ARHGAP39: variants seen among roughly 807,000 people sequenced by gnomAD.
ARHGAP39 encodes rho GTPase-activating protein 39.
Under a neutral mutation model 106.9 loss-of-function variants are expected in ARHGAP39, and 44 were observed. The observed-to-expected ratio is 0.41, with a 90% confidence interval of 0.32 to 0.53. ARHGAP39 has a LOEUF of 0.53. Ranked by LOEUF, ARHGAP39 falls within the 20% of genes least tolerant of loss-of-function variation. ARHGAP39 has a pLI of 0.21. For missense variants in ARHGAP39, 1,496 were observed against 1,577.3 expected, an observed-to-expected ratio of 0.95 and a Z score of 0.87; for synonymous variants, 768 against 693.2, an observed-to-expected ratio of 1.11 and a Z score of -1.69.
intron 3 of ARHGAP39, among the ~76,000 whole-genome samples, chr8:144,563,597 G>A (rs1235801114): frequency 1.3e-5 from 2 of 151,686 alleles, no homozygotes; most frequent in African/African-American, 2.4e-5. Context: ...GACCAGCCTG[G>A]AAAGATAGTG....
intron 1 of ARHGAP39, among the ~76,000 whole-genome samples, chr8:144,638,909 T>G (rs1821241104): frequency 6.6e-6 from 1 of 152,262 alleles, no homozygotes; most frequent in Admixed American, 6.5e-5. Flanking sequence ...CCATTCCCTG[T>G]GAGTCTGACT....
At position 144,530,738 on chromosome 8, in the gene ARHGAP39, G is replaced by A. The variant is rs1216944779; in HGVS notation, c.3114C>T (p.Asn1038=). The A allele has an allele frequency of 1.9e-6, 3 of 1,609,468 alleles. No individual in the cohort carries two copies. The highest frequency in any genetic ancestry group is 2.5e-6 in the Non-Finnish European group (3 of 1,178,422). The change falls in exon 11 of 12, where the codon AAC becomes AAT. Residue 1038 remains asparagine (N), a synonymous_variant. Transcript: ENST00000377307. ...GGATGAGGTAGCACAGCACCATGCG[G>A]TTGATGCGGGGCAGCGCGTGCACCA... The part of the protein sequence containing the change: ...VAVVHALPRI[N]RMVLCYLIRF...
intron 8 of ARHGAP39, 102 bp downstream of exon 8, chr8:144,534,027 G>A (rs546103057): frequency 2.8e-5 from 38 of 1,346,336 alleles, no homozygotes; most frequent in Admixed American, 1.3e-4. Context: ...CACCCTCTGC[G>A]CTGCTGCCCC....
rs755096755 is a variant in ARHGAP39 at position 144,555,563 on chromosome 8, T to C, written c.593A>G (p.Tyr198Cys). The change falls in exon 4 of 12, where the codon TAC becomes TGC. Residue 198 changes from tyrosine to cysteine, a missense_variant. By Grantham distance (194) the Tyr-to-Cys change is radical (BLOSUM62 -2). Around this residue, in one of 4 missense-constraint regions of ARHGAP39, gnomAD observed 905 missense variants for 816.4 expected, o/e 1.11. Coordinates refer to ENST00000377307, the MANE Select transcript of ARHGAP39 (RefSeq NM_025251.3). ...DYSADGQLLH[Y>C]RTSSLRWNSG... ...ACGCCTGAGAGATGGGTTCTACCTG[T>C]AGTGAAGAAGCTGGCCGTCCGCACT... is the stretch of plus-strand genomic sequence containing the variant. 2 of 1,613,702 alleles carry C rather than the reference T, an allele frequency of 1.2e-6. No homozygotes were observed. Among genetic ancestry groups the C allele is most frequent in the Admixed American group, 1.7e-5 (1 of 60,034 alleles).
the ARHGAP39 span, among the ~76,000 whole-genome samples, chr8:144,694,180 T>C: frequency 6.6e-6 from 1 of 152,144 alleles, no homozygotes; most frequent in Non-Finnish European, 1.5e-5. Context: ...GGAAATATTC[T>C]GGTTGTTGTG....
intron 1 of ARHGAP39, among the ~76,000 whole-genome samples, chr8:144,662,730 A>G (rs1821863731): frequency 1.5e-5 from 2 of 131,012 alleles, no homozygotes; most frequent in Non-Finnish European, 3.2e-5. Context: ...CCGCCTCCCC[A>G]TTATCCACCT....
chr8:144,650,936 T>C (rs961500316), intron 1 of ARHGAP39, among the ~76,000 whole-genome samples: 2 of 152,176 alleles, frequency 1.3e-5, no homozygotes, highest in African/African-American at 2.4e-5. Context: ...GGCATCCAAA[T>C]AGGGAGAGAG....
chr8:144,613,221 TAC>T (rs1166734395), intron 1 of ARHGAP39, among the ~76,000 whole-genome samples: 4 of 152,270 alleles, frequency 2.6e-5, no homozygotes, highest in African/African-American at 7.2e-5. Flanking sequence ...TCCTCTCTGT[TAC>T]ACAGTTACTA....
rs1037024410 is a variant in ARHGAP39 at position 144,670,008 on chromosome 8, A to T, written c.-82+15678T>A. Among the ~76,000 whole-genome samples the T allele has an allele frequency of 1.3e-5, 2 of 152,238 alleles. No individual in the cohort carries two copies. Among genetic ancestry groups the T allele is most frequent in the Non-Finnish European group, 1.5e-5 (1 of 68,044 alleles). Reference sequence around the variant, plus strand: ...TACCATATGACCCAGCAACTACACAAATATTCATAATAGTCAAATATGGAA... The same window carrying T: ...TACCATATGACCCAGCAACTACACATATATTCATAATAGTCAAATATGGAA... On this transcript the variant is annotated intron_variant, in intron 1 of 11. Transcript: ENST00000377307. This position sits in a 1 kb window ranked among gnomAD's most constrained non-coding sequence, Gnocchi z 4.4.
intron 7 of ARHGAP39, among the ~76,000 whole-genome samples, chr8:144,537,211 A>T (rs1450326679): frequency 6.6e-6 from 1 of 151,808 alleles, no homozygotes; most frequent in Non-Finnish European, 1.5e-5. Context: ...GAGGGTGGGG[A>T]AGCCCTCCCC....
intron 5 of ARHGAP39, 125 bp from the exon 6 acceptor site, chr8:144,545,935 G>T (rs747597402): frequency 2.7e-5 from 21 of 788,814 alleles, no homozygotes; most frequent in Admixed American, 1.5e-4. Flanking sequence ...TGAGAGCCCT[G>T]CCCTGCTCAC....
intron 10 of ARHGAP39, 76 bp from the exon 11 acceptor site, chr8:144,530,947 T>C (rs2620648): frequency 0.99 from 1,498,797 of 1,516,808 alleles, 741,797 homozygotes; most frequent in Non-Finnish European, 1. Flanking sequence ...GTGGCGGACA[T>C]GCATGGAGGG....
the ARHGAP39 span, chr8:144,698,987 T>C: frequency 2.4e-6 from 1 of 421,346 alleles, no homozygotes; most frequent in Non-Finnish European, 4.8e-6. Flanking sequence ...CGTTTCTCTT[T>C]GGAGTGGCCC....
chr8:144,535,403 C>A (rs1816914243), intron 7 of ARHGAP39, among the ~76,000 whole-genome samples: 1 of 152,190 alleles, frequency 6.6e-6, no homozygotes, highest in Non-Finnish European at 1.5e-5. Context: ...GAGGATGTGG[C>A]CCCAGCCTCC....
chr8:144,556,359 A>G (rs1817919777), intron 3 of ARHGAP39, among the ~76,000 whole-genome samples: 1 of 152,106 alleles, frequency 6.6e-6, no homozygotes, highest in Non-Finnish European at 1.5e-5. Flanking sequence ...AACATAACAA[A>G]TATCTATGAA....
At chr8:144,574,200 GA>G (rs1818688358) in intron 3 of ARHGAP39, among the ~76,000 whole-genome samples, 2 of 150,890 alleles carry the variant, frequency 1.3e-5, no homozygotes, top group African/African-American at 4.9e-5. Context: ...GGAGGAGGAG[GA>G]GGGGGAAGAA....
the ARHGAP39 span, among the ~76,000 whole-genome samples, chr8:144,699,633 C>T: frequency 1.6e-4 from 1 of 6,278 alleles, no homozygotes; most frequent in Non-Finnish European, 2.9e-4. Flanking sequence ...CAGGGCGGGG[C>T]GGGGTGCTGG....
At chr8:144,637,566 C>G (rs1387078531) in intron 1 of ARHGAP39, among the ~76,000 whole-genome samples, 3 of 152,164 alleles carry the variant, frequency 2.0e-5, no homozygotes, top group Non-Finnish European at 4.4e-5. Context: ...GCCAAGGTCA[C>G]GCCACTGCAC....
At position 144,548,208 on chromosome 8, in the gene ARHGAP39, C is replaced by T. The variant is rs759761879; in HGVS notation, c.878G>A (p.Arg293Gln). The change falls in exon 5 of 12, where the codon CGA becomes CAA. Residue 293 changes from arginine (R) to glutamine (Q), a missense_variant. Physicochemically the swap from Arg to Gln is conservative, Grantham distance 43. This residue lies in a region of ARHGAP39 where 905 missense variants were observed against 816.4 expected (regional missense o/e 1.11). Coordinates refer to ENST00000377307, the MANE Select transcript of ARHGAP39 (RefSeq NM_025251.3). The surrounding 1 kb of genome is among the most constrained non-coding windows in gnomAD (Gnocchi z 7.4). Reference protein sequence around the residue: ...GSSSPLLAQPRKPSGDSQPSS... With the variant: ...GSSSPLLAQPQKPSGDSQPSS... Reference sequence around the variant, plus strand: ...GGGCTGCGAGTCCCCGGAGGGCTTTCGGGGCTGGGCCAGCAGCGGGGAGCT... The same window carrying T: ...GGGCTGCGAGTCCCCGGAGGGCTTTTGGGGCTGGGCCAGCAGCGGGGAGCT... 12 of 1,595,966 alleles carry T rather than the reference C, an allele frequency of 7.5e-6. 1 individual carries two copies. The highest frequency in any genetic ancestry group is 5.6e-5 in the South Asian group (5 of 89,274).
Sources: gnomAD v4.1 joint callset for allele counts (sites outside exome capture counted in the v4.1 genomes callset) on GRCh38, gnomAD v4.1.1 for gene constraint, gnomAD v4.1.1 regional missense constraint, Gnocchi (gnomAD v3.1) non-coding constraint, MANE v1.5 for transcripts, NCBI Gene and HGNC (gene_info 2026-07-23, HGNC 2026-07-21) for gene names.